MOK: variants seen among roughly 807,000 people sequenced by gnomAD.
The protein encoded by MOK is MOK protein kinase, also known as MAPK/MAK/MRK overlapping kinase.
In MOK, 59 loss-of-function variants were observed where a neutral mutation model predicts 54.2. The ratio of observed to expected loss-of-function variants is 1.09; its 90% CI spans 0.88 to 1.35. The LOEUF is 1.35. Among genes scored for constraint, MOK ranks in the 40% most tolerant of loss-of-function variants. The probability of loss-of-function intolerance (pLI) is 0.00; values close to 1 mark genes in which losing one functional copy is unlikely to be tolerated. For missense variants in MOK, 517 were observed against 526.2 expected (o/e 0.98, Z 0.17); for synonymous variants, 210 against 202.7 (o/e 1.04, Z -0.31).
At chr14:102,227,883 T>C (rs1484504568), downstream of MOK, among the ~76,000 whole-genome samples, 3 of 152,232 alleles carry the variant, frequency 2.0e-5, no homozygotes, top group African/African-American at 4.8e-5. Context: ...TGTCACAGAT[T>C]TGTCTCAACA....
chr14:102,258,279 C>T (rs1023368395), intron 4 of MOK, among the ~76,000 whole-genome samples: 1 of 152,146 alleles, frequency 6.6e-6, no homozygotes, highest in African/African-American at 2.4e-5. Flanking sequence ...CTGCCTACTC[C>T]GTTTCCTGCA....
chr14:102,225,825 G>A (rs565152260), downstream of MOK: 7 of 166,786 alleles, frequency 4.2e-5, no homozygotes, highest in Admixed American at 5.6e-5. Flanking sequence ...AGATGGTAGC[G>A]AGGCAGCGTC....
rs546152984 is a variant in MOK at position 102,273,742 on chromosome 14, A to G, written c.123-7830T>C. Among the ~76,000 whole-genome samples the G allele has an allele frequency of 2.0e-5, 3 of 152,112 alleles. No homozygotes were observed. The South Asian group carries it at 6.2e-4, about 32-fold the overall frequency. ...GCAGAGGTTGCAGTGAGCTGAGATC[A>G]TGCCATTGCACTCCAGCCTGGGCAA... On this transcript the variant is annotated intron_variant, in intron 2 of 11. Transcript: ENST00000361847.
intron 1 of MOK, among the ~76,000 whole-genome samples, chr14:102,289,291 G>T (rs564217248): frequency 6.6e-6 from 1 of 152,042 alleles, no homozygotes; most frequent in Non-Finnish European, 1.5e-5. Context: ...AGAGTATAAG[G>T]AACAGAAATG....
At chr14:102,292,398 A>G (rs1178325208) in intron 1 of MOK, among the ~76,000 whole-genome samples, 1 of 151,494 alleles carries the variant, frequency 6.6e-6, no homozygotes, top group Non-Finnish European at 1.5e-5. Flanking sequence ...GCGTGAACCC[A>G]GGAGGTGGAG....
rs373160554 is a variant in MOK at position 102,305,018 on chromosome 14, G to C, written c.-50C>G. Reference sequence around the variant, plus strand: ...CCCCTTGCCGACACTGGACGGAAAAGAAAGAAGCAGGAAGGTTGTCCCCCT... The same window carrying C: ...CCCCTTGCCGACACTGGACGGAAAACAAAGAAGCAGGAAGGTTGTCCCCCT... On this transcript the variant is annotated 5_prime_UTR_variant, in exon 1 of 12. Transcript: ENST00000361847. 2.5e-6 allele frequency: 4 copies of C among 1,600,164 alleles called. No individual in the cohort carries two copies. In the Admixed American group the frequency reaches 5.2e-5, roughly 21 times the overall value.
At chr14:102,279,815 T>A (rs1372479021) in intron 2 of MOK, among the ~76,000 whole-genome samples, 1 of 151,990 alleles carries the variant, frequency 6.6e-6, no homozygotes, top group African/African-American at 2.4e-5. Flanking sequence ...ACTAATCCAT[T>A]ATGTGTATTT....
chr14:102,223,282 C>T (rs11544887), downstream of MOK: 846 of 153,212 alleles, frequency 5.5e-3, 18 homozygotes, highest in East Asian at 0.034. Flanking sequence ...TTTTTCTATA[C>T]CTTAGGTGGT....
At chr14:102,280,238 T>C (rs1031230152) in intron 2 of MOK, among the ~76,000 whole-genome samples, 1 of 151,998 alleles carries the variant, frequency 6.6e-6, no homozygotes, top group Admixed American at 6.6e-5. Flanking sequence ...AGACAGGGTC[T>C]CACTCTGTCA....
chr14:102,279,865 C>A (rs1199501647), intron 2 of MOK, among the ~76,000 whole-genome samples: 4 of 151,840 alleles, frequency 2.6e-5, no homozygotes, highest in Admixed American at 2.6e-4. Flanking sequence ...AAGATTACTG[C>A]AAAAGCCATC....
rs961756784 is a variant in MOK at position 102,231,649 on chromosome 14, C to T, written c.981+58G>A. 5.2e-5 allele frequency: 79 copies of T among 1,512,592 alleles called. 1 individual carries two copies. In the East Asian group the frequency reaches 1.4e-3, roughly 27 times the overall value. 93.7% of individuals were successfully genotyped at this position (1,512,592 alleles called of 1,614,324 possible). A position where few individuals can be genotyped will look rare whatever the true frequency, so the allele number is the denominator to read the frequency against. ...CCTCCTGAGAGAGACACAGGCCACC[C>T]GAGGGCATCCAGTCCCGGCTGAGCT... is the stretch of plus-strand genomic sequence containing the variant. On this transcript the variant is annotated intron_variant, in intron 10 of 11. Transcript: ENST00000361847. The surrounding 1 kb of genome is among the most constrained non-coding windows in gnomAD (Gnocchi z 4.4).
At chr14:102,287,498 A>G (rs2070262362) in intron 1 of MOK, among the ~76,000 whole-genome samples, 1 of 152,218 alleles carries the variant, frequency 6.6e-6, no homozygotes, top group African/African-American at 2.4e-5. Flanking sequence ...TAAGAAACTT[A>G]TATCTAGAAT....
intron 1 of MOK, among the ~76,000 whole-genome samples, chr14:102,297,514 C>G (rs1025772186): frequency 6.6e-5 from 10 of 152,366 alleles, no homozygotes; most frequent in African/African-American, 2.2e-4. Flanking sequence ...CCTTGAAGCC[C>G]TCGCTGGCTC....
chr14:102,251,014 C>T lies in MOK; in HGVS notation c.412-24G>A, dbSNP rs1025735263. The stretch of plus-strand genomic sequence containing the variant: ...TGCTGGAAGGGGAAAGAAGCAAGGA[C>T]AAGTAACATCCCATTATGTGGCTAT... On this transcript the variant is annotated intron_variant, in intron 6 of 11. Transcript: ENST00000361847. 4 of 1,610,494 alleles carry T rather than the reference C, an allele frequency of 2.5e-6. No individual in the cohort carries two copies. In the African/African-American group the frequency reaches 5.3e-5, roughly 22 times the overall value.
At chr14:102,304,910 CT>C in intron 1 of MOK, 51 bp downstream of exon 1, 1 of 1,539,368 alleles carries the variant, frequency 6.5e-7, no homozygotes, top group Admixed American at 1.8e-5. Context: ...CAGTCCCTCC[CT>C]CCCCCGCCAC....
In MOK at chr14:102,250,990, G is replaced by A. The variant is rs1233760405; in HGVS notation, c.412C>T (p.Gln138Ter). The change falls in exon 7 of 12, where the codon CAG becomes TAG. Residue 138 changes from glutamine (Q) to a stop codon, truncating the protein, a stop_gained and splice_region_variant. Coordinates refer to ENST00000361847, the MANE Select transcript of MOK (RefSeq NM_014226.3). LOFTEE classifies it high-confidence loss of function. ...AAGTCCCCTAATTTCAGGACATCCT[G>A]CTGGAAGGGGAAAGAAGCAAGGACA... ...DVKPENILIK[Q>*]DVLKLGDFGS... 6.2e-7 allele frequency: 1 copy of A among 1,613,792 alleles called. No individual in the cohort carries two copies. The highest frequency in any genetic ancestry group is 1.1e-5 in the South Asian group (1 of 91,058).
chr14:102,229,513 T>C lies in MOK; in HGVS notation c.1126A>G (p.Thr376Ala). The C allele has an allele frequency of 6.2e-7, 1 of 1,614,142 alleles. No homozygotes were observed. Among genetic ancestry groups the C allele is most frequent in the Non-Finnish European group, 8.5e-7 (1 of 1,180,028 alleles). The change falls in exon 11 of 12, where the codon ACA becomes GCA. Residue 376 changes from threonine to alanine, a missense_variant. By Grantham distance (58) the Thr-to-Ala change is moderately conservative. Transcript: ENST00000361847. ...CTCAGCACCGGCACTCTTCCATTTG[T>C]TCCAGATCCAAGCACGGACTGCAGC... is the stretch of plus-strand genomic sequence containing the variant. Reference protein sequence around the residue: ...PTLQSVLGSGTNGRVPVLRPL... With the variant: ...PTLQSVLGSGANGRVPVLRPL...
At chr14:102,291,622 G>A (rs953011110) in intron 1 of MOK, among the ~76,000 whole-genome samples, 1 of 152,180 alleles carries the variant, frequency 6.6e-6, no homozygotes, top group Non-Finnish European at 1.5e-5. Context: ...TCATTGTGCA[G>A]AAGAGCTCAC....
intron 7 of MOK, among the ~76,000 whole-genome samples, chr14:102,242,593 C>T (rs142257199): frequency 0.047 from 7,119 of 152,150 alleles, 168 homozygotes; most frequent in Middle Eastern, 0.065. Context: ...ACCCACTCAA[C>T]GCCAATATCC....
Sources: allele counts gnomAD v4.1 joint callset (sites outside exome capture counted in the v4.1 genomes callset), GRCh38; gene constraint gnomAD v4.1.1; non-coding constraint Gnocchi (gnomAD v3.1); transcripts MANE v1.5; gene names NCBI Gene and HGNC (gene_info 2026-07-23, HGNC 2026-07-21).